The following CABIN1 variants were observed in gnomAD, a reference collection of about 807,000 sequenced individuals.
CABIN1 encodes the protein calcineurin binding protein 1.
A neutral mutation model predicts 227.7 loss-of-function variants in CABIN1; 133 were observed. The ratio of observed to expected loss-of-function variants is 0.58; its 90% confidence interval spans 0.51 to 0.67. The LOEUF is 0.67. CABIN1 is among the 30% of genes least tolerant of loss of function. CABIN1 has a pLI of 0.00. For synonymous variants in CABIN1, 1,086 were observed against 1,155.1 expected, an observed-to-expected ratio of 0.94 and a Z score of 1.21; for missense variants, 2,408 against 2,852.5, an observed-to-expected ratio of 0.84 and a Z score of 3.55.
At chr22:24,049,058 T>A in intron 6 of CABIN1, 33 bp from the exon 7 acceptor site, 1 of 1,612,738 alleles carries the variant, frequency 6.2e-7, no homozygotes, top group Non-Finnish European at 8.5e-7. Context: ...GAGTGCGGTC[T>A]CAGAAGTCAT....
At chr22:24,174,575 T>C (rs1476445393) in intron 34 of CABIN1, among the ~76,000 whole-genome samples, 2 of 152,074 alleles carry the variant, frequency 1.3e-5, no homozygotes, top group Non-Finnish European at 2.9e-5. Flanking sequence ...TCCCATGCTC[T>C]CGTCTTGTAG....
chr22:24,046,952 T>C (rs1303303685), intron 6 of CABIN1, among the ~76,000 whole-genome samples: 1 of 152,178 alleles, frequency 6.6e-6, no homozygotes, highest in Non-Finnish European at 1.5e-5. Context: ...AATTCTCTTA[T>C]GCGGGGGAAG....
At chr22:24,042,822 G>GTGTA (rs2037493248) in intron 5 of CABIN1, 82 bp from the exon 6 acceptor site, 1 of 352,578 alleles carries the variant, frequency 2.8e-6, no homozygotes, top group Non-Finnish European at 5.2e-6. Flanking sequence ...ATCTGACTGT[G>GTGTA]TGTGTGTGTG....
Position 24,164,548 on chromosome 22 carries a change from C to T in CABIN1, c.4895C>T (p.Thr1632Ile), listed in dbSNP as rs756383118. Residue 1632 changes from threonine (T) to isoleucine (I), a missense_variant, in exon 30 of 37, where the codon ACC becomes ATC. By Grantham distance (89) the Thr-to-Ile change is moderately conservative. Coordinates refer to ENST00000263119, the MANE Select transcript of CABIN1 (RefSeq NM_012295.4). Reference protein sequence around the residue: ...LLKVSSMLQRTPDQGKKYLRD... With the variant: ...LLKVSSMLQRIPDQGKKYLRD... ...AAGGTGTCCTCCATGCTTCAGCGGA[C>T]CCCAGACCAGGGCAAGTGAGTGCAG... The T allele has an allele frequency of 3.1e-6, 5 of 1,604,764 alleles. No individual in the cohort carries two copies. Among genetic ancestry groups the T allele is most frequent in the Non-Finnish European group, 4.2e-6 (5 of 1,179,944 alleles).
At chr22:24,056,770 G>C (rs1320799026) in intron 10 of CABIN1, among the ~76,000 whole-genome samples, 1 of 152,188 alleles carries the variant, frequency 6.6e-6, no homozygotes, top group Non-Finnish European at 1.5e-5. Flanking sequence ...AGGCTCAGCA[G>C]GATTCCCTTG....
At chr22:24,064,263 T>C in intron 15 of CABIN1, 76 bp downstream of exon 15, 4 of 1,501,854 alleles carry the variant, frequency 2.7e-6, no homozygotes, top group Admixed American at 3.4e-5. Flanking sequence ...TGGAGTGTAA[T>C]AGTGCAATCT....
chr22:24,163,197 A>G (rs1602434087), intron 29 of CABIN1, among the ~76,000 whole-genome samples: 1 of 151,890 alleles, frequency 6.6e-6, no homozygotes, highest in East Asian at 1.9e-4. Flanking sequence ...CTGCAGGTGG[A>G]CCCTCCATGT....
At chr22:24,148,082 G>T (rs2045262166) in intron 29 of CABIN1, among the ~76,000 whole-genome samples, 1 of 152,208 alleles carries the variant, frequency 6.6e-6, no homozygotes, top group South Asian at 2.1e-4. Flanking sequence ...GGAGGAGGGG[G>T]TTGCTGTTAG....
intron 1 of CABIN1, among the ~76,000 whole-genome samples, chr22:24,018,271 T>A (rs921260922): frequency 2.0e-5 from 3 of 152,098 alleles, no homozygotes; most frequent in African/African-American, 7.3e-5. Flanking sequence ...TCTGAGTTTT[T>A]AAATTTTTTT....
intron 1 of CABIN1, among the ~76,000 whole-genome samples, chr22:24,017,369 C>T (rs911495653): frequency 2.0e-5 from 3 of 152,148 alleles, no homozygotes; most frequent in African/African-American, 7.2e-5. Context: ...TTTAAGTGTG[C>T]CATTTTGTGC....
rs971156963 is a variant in CABIN1 at position 24,123,880 on chromosome 22, C to T, written c.4632+4182C>T. Among the ~76,000 whole-genome samples the T allele has an allele frequency of 4.6e-5, 7 of 152,382 alleles. 1 individual carries two copies. Among genetic ancestry groups the T allele is most frequent in the Admixed American group, 6.5e-5 (1 of 15,312 alleles). On this transcript the variant is annotated intron_variant, in intron 28 of 36. Transcript: ENST00000263119. ...TGCCATCTCACAGCTCACTGGTGGA[C>T]TGGAGCATCCGATGTCTGCCTCTTC...
intron 28 of CABIN1, among the ~76,000 whole-genome samples, chr22:24,125,014 G>A (rs575433981): frequency 1.3e-3 from 199 of 152,246 alleles, no homozygotes; most frequent in African/African-American, 3.7e-3. Context: ...GGGGAAATTC[G>A]GTCACATCAG....
chr22:24,049,643 G>T (rs2038169453), intron 7 of CABIN1, among the ~76,000 whole-genome samples: 1 of 152,148 alleles, frequency 6.6e-6, no homozygotes, highest in Non-Finnish European at 1.5e-5. Flanking sequence ...CCCATGCTCA[G>T]TTGCATTACC....
intron 16 of CABIN1, among the ~76,000 whole-genome samples, chr22:24,067,776 C>G (rs1432451723): frequency 6.6e-6 from 1 of 152,026 alleles, no homozygotes; most frequent in Non-Finnish European, 1.5e-5. Context: ...TAGGGATGAC[C>G]AATGTCCTTA....
intron 1 of CABIN1, among the ~76,000 whole-genome samples, chr22:24,021,149 A>C (rs1407420468): frequency 3.3e-5 from 5 of 151,864 alleles, no homozygotes; most frequent in African/African-American, 1.2e-4. Flanking sequence ...ACAGGTGCAT[A>C]TCACCATGCC....
intron 26 of CABIN1, among the ~76,000 whole-genome samples, chr22:24,099,879 A>G (rs2042104929): frequency 6.6e-6 from 1 of 152,192 alleles, no homozygotes; most frequent in Non-Finnish European, 1.5e-5. Context: ...ATGTCAGCCC[A>G]TTAGGGTTGA....
intron 4 of CABIN1, among the ~76,000 whole-genome samples, chr22:24,040,006 C>T (rs896784027): frequency 2.0e-5 from 3 of 152,162 alleles, no homozygotes; most frequent in African/African-American, 7.2e-5. Flanking sequence ...GAGAGTGGTG[C>T]TGAATGTAGG....
chr22:24,035,558 G>A (rs2036809219), intron 2 of CABIN1, 38 bp downstream of exon 2: 1 of 1,613,560 alleles, frequency 6.2e-7, no homozygotes, highest in Non-Finnish European at 8.5e-7. Flanking sequence ...GGACCTCAGT[G>A]TTCTTTTGTT....
At position 24,047,398 on chromosome 22, in the gene CABIN1, G is replaced by A. The variant is rs114308423; in HGVS notation, c.527-1693G>A. Reference sequence around the variant, plus strand: ...TGGCTAGTGAGTTTAGCTTAATGCAGCTAATGTGCCTACTGAGAACCAGCA... The same window carrying A: ...TGGCTAGTGAGTTTAGCTTAATGCAACTAATGTGCCTACTGAGAACCAGCA... On this transcript the variant is annotated intron_variant, in intron 6 of 36. Transcript: ENST00000263119. Among the ~76,000 whole-genome samples the A allele has an allele frequency of 2.8e-3, 427 of 152,282 alleles. 7 individuals carry two copies. Among genetic ancestry groups the A allele is most frequent in the African/African-American group, 9.7e-3 (402 of 41,560 alleles).
Sources: allele counts gnomAD v4.1 joint callset (sites outside exome capture counted in the v4.1 genomes callset), GRCh38; gene constraint gnomAD v4.1.1; transcripts MANE v1.5; gene names NCBI Gene and HGNC (gene_info 2026-07-23, HGNC 2026-07-21).